The following CDS1 variants were observed in gnomAD, a reference collection of about 807,000 sequenced individuals.
CDS1 encodes the protein phosphatidate cytidylyltransferase 1.
A neutral mutation model predicts 62.1 loss-of-function variants in CDS1; 41 were observed. The ratio of observed to expected loss-of-function variants is 0.66; its 90% confidence interval spans 0.51 to 0.86. CDS1 has a LOEUF of 0.86. Among genes scored for constraint, CDS1 ranks in the 40% least tolerant of loss-of-function variants. The pLI is 0.00. For synonymous variants in CDS1, 185 were observed against 192.6 expected (o/e 0.96, Z 0.32); for missense variants, 470 against 550.1 (o/e 0.85, Z 1.46).
At chr4:84,645,437 G>C in intron 12 of CDS1, 112 bp downstream of exon 12, 1 of 653,838 alleles carries the variant, frequency 1.5e-6, no homozygotes, top group Non-Finnish European at 2.7e-6. Context: ...CAATATTAAA[G>C]TGAATGGTGG....
intron 2 of CDS1, 79 bp downstream of exon 2, chr4:84,604,449 G>A: frequency 6.7e-7 from 1 of 1,494,804 alleles, no homozygotes; most frequent in Non-Finnish European, 9.1e-7. Flanking sequence ...AATAAATTTG[G>A]CTTTTTGTAA....
In CDS1 at chr4:84,619,498, A is replaced by AC; in HGVS notation, c.547dup (p.His183ProfsTer2). 1 of 1,603,242 alleles carries AC rather than the reference A, an allele frequency of 6.2e-7. No individual in the cohort carries two copies. The highest frequency in any genetic ancestry group is 1.3e-5 in the African/African-American group (1 of 74,900). ...GAACAACTTCAGTTCCTCATTCGCT[A>AC]CCATAGATTTATATCATTTGCCCTC... On this transcript the variant is annotated frameshift_variant, in exon 5 of 13. Transcript: ENST00000295887. LOFTEE classifies it high-confidence loss of function.
chr4:84,642,185 C>G (rs1337066887), intron 10 of CDS1, among the ~76,000 whole-genome samples: 1 of 152,030 alleles, frequency 6.6e-6, no homozygotes, highest in Non-Finnish European at 1.5e-5. Flanking sequence ...ATTAGCCAGT[C>G]GTGGTGGCAT....
chr4:84,605,256 A>G (rs1723057603), intron 2 of CDS1, among the ~76,000 whole-genome samples: 1 of 152,176 alleles, frequency 6.6e-6, no homozygotes, highest in African/African-American at 2.4e-5. Flanking sequence ...CAAAAATGTT[A>G]TGAAACAATT....
chr4:84,624,273 C>CAAAA (rs1268924462), intron 5 of CDS1, among the ~76,000 whole-genome samples: 1 of 56,430 alleles, frequency 1.8e-5, no homozygotes, highest in Non-Finnish European at 3.8e-5. Flanking sequence ...GACTCTGTCT[C>CAAAA]AAAAAAAAAA....
At chr4:84,643,211 T>C (rs1724445457) in intron 11 of CDS1, 68 bp downstream of exon 11, 5 of 1,523,492 alleles carry the variant, frequency 3.3e-6, no homozygotes, top group Non-Finnish European at 3.6e-6. Context: ...AGTTGGAATT[T>C]GGTCCGCTCA....
chr4:84,614,445 G>T (rs1405472704), intron 3 of CDS1, among the ~76,000 whole-genome samples: 1 of 151,924 alleles, frequency 6.6e-6, no homozygotes, highest in Non-Finnish European at 1.5e-5. Context: ...AGACATTCAG[G>T]TTATGTTCTT....
chr4:84,643,072 A>G lies in CDS1; in HGVS notation c.1081A>G (p.Thr361Ala). ...PFQIHSIALS[T>A]FASLIGPFGG... ...CCAGATCCACAGCATTGCACTGTCA[A>G]CCTTTGCATCTTTAATTGGCCCATT... The change falls in exon 11 of 13, where the codon ACC becomes GCC. Residue 361 changes from threonine (T) to alanine (A), a missense_variant. Physicochemically the swap from Thr to Ala is moderately conservative, Grantham distance 58 (BLOSUM62 0). Around this residue, in one of 5 missense-constraint regions of CDS1, gnomAD observed 214 missense variants for 242.4 expected, o/e 0.88. Transcript: ENST00000295887. 1 of 1,613,154 alleles carries G rather than the reference A, an allele frequency of 6.2e-7. No homozygotes were observed. Among genetic ancestry groups the G allele is most frequent in the Non-Finnish European group, 8.5e-7 (1 of 1,179,428 alleles).
intron 5 of CDS1, among the ~76,000 whole-genome samples, chr4:84,621,423 C>G (rs889094449): frequency 1.3e-5 from 2 of 152,060 alleles, no homozygotes; most frequent in African/African-American, 4.8e-5. Flanking sequence ...CCCCTCAGCT[C>G]CTTCAGTTCC....
intron 11 of CDS1, among the ~76,000 whole-genome samples, chr4:84,644,502 G>T (rs1447041957): frequency 6.6e-6 from 1 of 152,108 alleles, no homozygotes; most frequent in Admixed American, 6.5e-5. Flanking sequence ...TTGTTAAATG[G>T]TGAGTTTTTT....
chr4:84,632,587 A>G (rs1208186246), intron 6 of CDS1, among the ~76,000 whole-genome samples: 1 of 152,148 alleles, frequency 6.6e-6, no homozygotes, highest in Non-Finnish European at 1.5e-5. Flanking sequence ...TTGTATTTCT[A>G]ATTTAAGGGA....
At chr4:84,586,624 G>A (rs781658159) in intron 1 of CDS1, among the ~76,000 whole-genome samples, 32 of 152,300 alleles carry the variant, frequency 2.1e-4, no homozygotes, top group Admixed American at 3.9e-4. Flanking sequence ...CTCTGCAGCC[G>A]GGTTCCCAAC....
At chr4:84,615,412 G>A (rs150267642) in intron 3 of CDS1, among the ~76,000 whole-genome samples, 110 of 152,106 alleles carry the variant, frequency 7.2e-4, no homozygotes, top group African/African-American at 2.4e-3. Flanking sequence ...TCGGTGCACT[G>A]CTTCCTGCTG....
chr4:84,599,871 C>T (rs1195128826), intron 1 of CDS1, among the ~76,000 whole-genome samples: 2 of 152,150 alleles, frequency 1.3e-5, no homozygotes, highest in African/African-American at 4.8e-5. Context: ...CTTGTATCTA[C>T]ACTTCAGTTT....
Position 84,583,177 on chromosome 4 carries a change from G to C in CDS1, c.-225G>C. 2.2e-6 allele frequency: 1 copy of C among 446,380 alleles called. No homozygotes were observed. Among genetic ancestry groups the C allele is most frequent in the Non-Finnish European group, 4.0e-6 (1 of 251,720 alleles). 27.7% of individuals were successfully genotyped at this position (446,380 alleles called of 1,614,324 possible). On this transcript the variant is annotated 5_prime_UTR_variant, in exon 1 of 13. Coordinates refer to ENST00000295887, the MANE Select transcript of CDS1 (RefSeq NM_001263.4). ...CGGAGCCTGCCCGGGACCTCCGCCGGAGCCGCGCTCGCTGCAGGCGGCCTC... is the reference window on the plus strand; with the variant it reads ...CGGAGCCTGCCCGGGACCTCCGCCGCAGCCGCGCTCGCTGCAGGCGGCCTC...
intron 5 of CDS1, among the ~76,000 whole-genome samples, chr4:84,630,677 C>T (rs565195124): frequency 6.6e-6 from 1 of 152,258 alleles, no homozygotes; most frequent in East Asian, 1.9e-4. Flanking sequence ...CAGTGGCTCA[C>T]ACCTGTAATC....
chr4:84,644,260 A>G (rs1023879306), intron 11 of CDS1, among the ~76,000 whole-genome samples: 15 of 152,200 alleles, frequency 9.9e-5, no homozygotes, highest in African/African-American at 3.6e-4. Flanking sequence ...CAGACAATAC[A>G]CTTCCCCAGA....
At chr4:84,624,179 CG>C (rs1378280411) in intron 5 of CDS1, among the ~76,000 whole-genome samples, 1 of 149,460 alleles carries the variant, frequency 6.7e-6, no homozygotes, top group East Asian at 2.0e-4. Context: ...GAGGCTGAGG[CG>C]GGAGAATGGC....
intron 5 of CDS1, among the ~76,000 whole-genome samples, chr4:84,630,278 C>G (rs146741190): frequency 9.2e-4 from 140 of 152,252 alleles, no homozygotes; most frequent in African/African-American, 3.1e-3. Flanking sequence ...TTTCCTTTCT[C>G]TCAATAAAGT....
Sources: allele counts gnomAD v4.1 joint callset (sites outside exome capture counted in the v4.1 genomes callset), GRCh38; gene constraint gnomAD v4.1.1; regional missense constraint gnomAD v4.1.1; transcripts MANE v1.5; gene names NCBI Gene and HGNC (gene_info 2026-07-23, HGNC 2026-07-21).